The following CLN8 variants were observed in gnomAD, a reference collection of about 807,000 sequenced individuals.
CLN8 encodes protein CLN8.
Under a neutral mutation model 15.7 loss-of-function variants are expected in CLN8, and 14 were observed. That is an observed-to-expected ratio of 0.89 (90% confidence interval 0.59 to 1.39). The LOEUF (loss-of-function observed/expected upper bound fraction) is 1.39. Ranked by LOEUF, CLN8 falls within the 40% of genes most tolerant of loss-of-function variation. The pLI is 0.00. For missense variants in CLN8, 415 were observed against 364.0 expected, an observed-to-expected ratio of 1.14 and a Z score of -1.14; for synonymous variants, 188 against 151.0, an observed-to-expected ratio of 1.25 and a Z score of -1.80.
In CLN8 at chr8:1,771,000, T is replaced by G; in HGVS notation, c.-55T>G. On this transcript the variant is annotated 5_prime_UTR_variant, in exon 2 of 3. Transcript: ENST00000331222. ...CTTCATTTCCTTAGACAAGACACAGTGTAGGGCCCGGCCCGTGTTGGCCCC... is the reference window on the plus strand; with the variant it reads ...CTTCATTTCCTTAGACAAGACACAGGGTAGGGCCCGGCCCGTGTTGGCCCC... The G allele has an allele frequency of 6.4e-7, 1 of 1,556,262 alleles. No individual in the cohort carries two copies. Among genetic ancestry groups the G allele is most frequent in the Non-Finnish European group, 8.8e-7 (1 of 1,130,226 alleles).
chr8:1,771,124 C>T lies in CLN8; in HGVS notation c.70C>T (p.Arg24Cys), dbSNP rs104894064. 17 of 1,613,804 alleles carry T rather than the reference C, an allele frequency of 1.1e-5. No homozygotes were observed. Among genetic ancestry groups the T allele is most frequent in the African/African-American group, 8.0e-5 (6 of 74,834 alleles). Residue 24 changes from arginine (R) to cysteine (C), a missense_variant, in exon 2 of 3, where the codon CGC (arginine) becomes TGC (cysteine). By Grantham distance (180) the Arg-to-Cys change is radical (BLOSUM62 -3). Coordinates refer to ENST00000331222, the MANE Select transcript of CLN8 (RefSeq NM_018941.4). Reference sequence around the variant, plus strand: ...CCTGGACTATGCATCCTGGGGGATCCGCTCCACGCTGATGGTCGCTGGCTT... The same window carrying T: ...CCTGGACTATGCATCCTGGGGGATCTGCTCCACGCTGATGGTCGCTGGCTT... ...FDLDYASWGI[R>C]STLMVAGFVF... is the part of the protein sequence containing the mutation.
upstream of CLN8, chr8:1,762,504 G>C (rs915055296): frequency 2.0e-5 from 3 of 152,204 alleles, no homozygotes; most frequent in Non-Finnish European, 4.4e-5. Context: ...CTCCAGGGAG[G>C]CCTCCACACA....
chr8:1,753,582 A>AAG (rs1445962984), upstream of CLN8, among the ~76,000 whole-genome samples: 11 of 141,986 alleles, frequency 7.7e-5, no homozygotes, highest in African/African-American at 2.9e-4. Context: ...AAAAAAAAAA[A>AAG]AAAGAAAGAA....
At chr8:1,756,162 C>G (rs995569490) in intron 1 of CLN8, 2 of 152,178 alleles carry the variant, frequency 1.3e-5, no homozygotes, top group African/African-American at 2.4e-5. Flanking sequence ...TTGTAACATT[C>G]TACCTGACAT....
At chr8:1,753,861 G>A (rs1032830385), upstream of CLN8, among the ~76,000 whole-genome samples, 1 of 151,542 alleles carries the variant, frequency 6.6e-6, no homozygotes, top group Non-Finnish European at 1.5e-5. Context: ...ACTCCAGCCT[G>A]AGTGACAAGA....
At chr8:1,766,667 A>C (rs1801073871) in intron 1 of CLN8, among the ~76,000 whole-genome samples, 1 of 151,728 alleles carries the variant, frequency 6.6e-6, no homozygotes, top group Non-Finnish European at 1.5e-5. Flanking sequence ...CTGGGATTAC[A>C]GGTGTGAGCC....
At chr8:1,754,764 C>A (rs1007135203), upstream of CLN8, among the ~76,000 whole-genome samples, 1 of 152,188 alleles carries the variant, frequency 6.6e-6, no homozygotes, top group Non-Finnish European at 1.5e-5. Context: ...CAACACCATG[C>A]CTGCTCTGAG....
intron 2 of CLN8, chr8:1,779,872 G>A: frequency 1.2e-6 from 1 of 839,982 alleles, no homozygotes; most frequent in Non-Finnish European, 1.4e-6. Flanking sequence ...TGATATACCT[G>A]TGTCTGGTTT....
chr8:1,761,796 G>A (rs1800803614), upstream of CLN8, among the ~76,000 whole-genome samples: 1 of 152,212 alleles, frequency 6.6e-6, no homozygotes, highest in Admixed American at 6.5e-5. Context: ...CCATCTGGAT[G>A]GTCCCAGCTA....
rs147181589 is a variant in CLN8, at chr8:1,771,065, C to T, written c.11C>T (p.Ala4Val). Residue 4 changes from alanine (A) to valine (V), a missense_variant, in exon 2 of 3, where the codon GCG (alanine) becomes GTG (valine). Ala to Val is a moderately conservative substitution (Grantham distance 64). Transcript: ENST00000331222. The stretch of plus-strand genomic sequence containing the variant: ...ATATAGCTGTGGACAATGAATCCTG[C>T]GAGCGATGGGGGCACATCAGAGAGC... MNP[A>V]SDGGTSESIF... 586 of 1,613,978 alleles carry T rather than the reference C, an allele frequency of 3.6e-4. 2 individuals carry two copies. The African/African-American group carries it at 5.5e-3, about 15-fold the overall frequency.
rs587779411 is a variant in CLN8, at chr8:1,780,498, C to T, written c.792C>T (p.Asn264=). ...AGCTTCTCAATCCGGTGGACTGGAA[C>T]TTCGCACAGCCAGAAGCCAAGAGCA... is the stretch of plus-strand genomic sequence containing the variant. ...TQQLLNPVDW[N]FAQPEAKSRP... Residue 264 remains asparagine (N), a synonymous_variant, in exon 3 of 3, where the codon AAC becomes AAT. Coordinates refer to ENST00000331222, the MANE Select transcript of CLN8 (RefSeq NM_018941.4). The T allele has an allele frequency of 2.5e-6, 4 of 1,614,238 alleles. No individual in the cohort carries two copies. Among genetic ancestry groups the T allele is most frequent in the East Asian group, 2.2e-5 (1 of 44,882 alleles).
At chr8:1,774,011 A>C (rs1240853448) in intron 2 of CLN8, 1 of 152,228 alleles carries the variant, frequency 6.6e-6, no homozygotes, top group African/African-American at 2.4e-5. Context: ...TTTTATTACA[A>C]GTTCTTTAAA....
rs576085561 is a variant in CLN8 at position 1,777,679 on chromosome 8, G to A, written c.544-2571G>A. The stretch of plus-strand genomic sequence containing the variant: ...ACACATTCATCCAGCCCTGCACAGG[G>A]TCAGGATCATCCATATCACTGTCTT... On this transcript the variant is annotated intron_variant, in intron 2 of 2. Coordinates refer to ENST00000331222, the MANE Select transcript of CLN8 (RefSeq NM_018941.4). Among the ~76,000 whole-genome samples the A allele has an allele frequency of 2.0e-4, 31 of 152,158 alleles. 1 individual carries two copies. Among genetic ancestry groups the A allele is most frequent in the African/African-American group, 7.0e-4 (29 of 41,504 alleles).
intron 2 of CLN8, among the ~76,000 whole-genome samples, chr8:1,772,005 G>A (rs1175319150): frequency 5.3e-5 from 8 of 151,696 alleles, no homozygotes; most frequent in African/African-American, 7.3e-5. Flanking sequence ...GCATGGTTTC[G>A]GCTCACTGCA....
intron 2 of CLN8, chr8:1,779,866 A>G (rs906628992): frequency 2.0e-5 from 16 of 780,528 alleles, no homozygotes; most frequent in Non-Finnish European, 2.5e-5. Context: ...GGAGCTTGAT[A>G]TACCTGTGTC....
intron 2 of CLN8, among the ~76,000 whole-genome samples, chr8:1,778,160 G>A (rs1275491549): frequency 6.6e-6 from 1 of 152,170 alleles, no homozygotes; most frequent in East Asian, 1.9e-4. Flanking sequence ...AGTTGTCAGA[G>A]TGACTATACT....
At chr8:1,761,012 C>CTTTTT (rs61327257), upstream of CLN8, among the ~76,000 whole-genome samples, 78 of 67,580 alleles carry the variant, frequency 1.2e-3, 1 homozygote, top group Middle Eastern at 0.016. Flanking sequence ...CTATAGCCAT[C>CTTTTT]TTTTTTTTTT....
chr8:1,786,187 GCTCC>G lies in CLN8; in HGVS notation c.*5622_*5625del, dbSNP rs1183259628. On this transcript the variant is annotated 3_prime_UTR_variant, in exon 3 of 3. Transcript: ENST00000331222. Reference sequence around the variant, plus strand: ...TTTTGTGTGACATGCCAGCAGCCTGGCTCCCAGGACAGGAGGCCTGCCCTGGGGG... The same window carrying G: ...TTTTGTGTGACATGCCAGCAGCCTGGCAGGACAGGAGGCCTGCCCTGGGGG... 1 of 152,492 alleles carries G rather than the reference GCTCC, an allele frequency of 6.6e-6. No individual in the cohort carries two copies. Among genetic ancestry groups the G allele is most frequent in the Non-Finnish European group, 1.5e-5 (1 of 68,306 alleles). 9.4% of individuals were successfully genotyped at this position (152,492 alleles called of 1,614,324 possible). A position where few individuals can be genotyped will look rare whatever the true frequency, so the allele number is the denominator to read the frequency against.
chr8:1,762,079 GT>G, upstream of CLN8: 1 of 152,382 alleles, frequency 6.6e-6, no homozygotes, highest in Non-Finnish European at 1.5e-5. Flanking sequence ...AACAAGGACA[GT>G]TTGGAGGTTA....
Sources: gnomAD v4.1 joint callset for allele counts (sites outside exome capture counted in the v4.1 genomes callset) on GRCh38, gnomAD v4.1.1 for gene constraint, MANE v1.5 for transcripts, NCBI Gene and HGNC (gene_info 2026-07-23, HGNC 2026-07-21) for gene names.